The following VPS13D variants were observed in gnomAD, a reference collection of about 807,000 sequenced individuals.
VPS13D encodes the protein vacuolar protein sorting 13 homolog D, also known as intermembrane lipid transfer protein VPS13D.
VPS13D carries 187 observed loss-of-function variants against 461.9 expected under a neutral mutation model. The ratio of observed to expected loss-of-function variants is 0.40; its 90% CI spans 0.36 to 0.46. The LOEUF is 0.46. Ranked by LOEUF, VPS13D falls within the 20% of genes least tolerant of loss-of-function variation. The pLI is 0.60. For synonymous variants in VPS13D, 1,951 were observed against 1,986.3 expected, an observed-to-expected ratio of 0.98 and a Z score of 0.47; for missense variants, 4,711 against 5,364.9, an observed-to-expected ratio of 0.88 and a Z score of 3.81.
In VPS13D at chr1:12,470,867, G is replaced by A. The variant is rs535082254; in HGVS notation, c.12662+10471G>A. On this transcript the variant is annotated intron_variant, in intron 67 of 69. Transcript: ENST00000620676. ...TACAGGCATTTTTTCCCTCATTACC[G>A]GGTCCGTTACAGCTCCTTGAAAACA... Among the ~76,000 whole-genome samples the A allele has an allele frequency of 3.9e-5, 6 of 152,182 alleles. No homozygotes were observed. The East Asian group carries it at 1.2e-3, about 29-fold the overall frequency.
intron 40 of VPS13D, among the ~76,000 whole-genome samples, 169 bp from the exon 41 acceptor site, chr1:12,341,611 A>T (rs1299473065): frequency 6.6e-6 from 1 of 152,228 alleles, no homozygotes; most frequent in African/African-American, 2.4e-5. Context: ...ATTCTCCCAT[A>T]GCAGCCAGCA....
At chr1:12,365,139 A>T (rs1644016274) in intron 52 of VPS13D, among the ~76,000 whole-genome samples, 1 of 152,074 alleles carries the variant, frequency 6.6e-6, no homozygotes, top group African/African-American at 2.4e-5. Flanking sequence ...TGCCAGTACC[A>T]CCCTGTTTTG....
Position 12,373,799 on chromosome 1 carries a change from T to C in VPS13D, c.10858T>C (p.Cys3620Arg), listed in dbSNP as rs775690902. The change falls in exon 55 of 70, where the codon TGT (cysteine) becomes CGT (arginine). Residue 3620 changes from cysteine (C) to arginine (R), a missense_variant. By Grantham distance (180) the Cys-to-Arg change is radical (BLOSUM62 -3). This residue lies in a region of VPS13D where 4,411 missense variants were observed against 4,937.8 expected (regional missense o/e 0.89). Coordinates refer to ENST00000620676, the MANE Select transcript of VPS13D (RefSeq NM_015378.4). The stretch of plus-strand genomic sequence containing the variant: ...TGTGGCTTCCAACAAGGCCATTACC[T>C]GTGCGGAGCTCGTTTTGGATGTCTC... ...RPVASNKAIT[C>R]AELVLDVSPK... 6.2e-7 allele frequency: 1 copy of C among 1,601,072 alleles called. No individual in the cohort carries two copies. The highest frequency in any genetic ancestry group is 1.1e-5 in the South Asian group (1 of 89,832).
chr1:12,308,924 C>T (rs1014777939), intron 27 of VPS13D, among the ~76,000 whole-genome samples: 8 of 152,122 alleles, frequency 5.3e-5, no homozygotes, highest in Admixed American at 1.3e-4. Flanking sequence ...GGATTACAGG[C>T]GTGAGCCACC....
At chr1:12,442,581 C>T (rs1645143946) in intron 65 of VPS13D, among the ~76,000 whole-genome samples, 1 of 148,960 alleles carries the variant, frequency 6.7e-6, no homozygotes. Flanking sequence ...CAAGATTTCC[C>T]TTACTTTTTT....
At chr1:12,320,011 T>G (rs1023221601) in intron 32 of VPS13D, among the ~76,000 whole-genome samples, 1 of 152,220 alleles carries the variant, frequency 6.6e-6, no homozygotes. Context: ...TCTCCTCACC[T>G]GGAGTGCAGC....
chr1:12,392,035 A>G (rs1002686424), intron 60 of VPS13D, among the ~76,000 whole-genome samples: 1 of 151,790 alleles, frequency 6.6e-6, no homozygotes, highest in African/African-American at 2.4e-5. Context: ...TGATTTTTGT[A>G]TTTTTTGTGG....
chr1:12,277,563 C>T lies in VPS13D; in HGVS notation c.3975C>T (p.Val1325=), dbSNP rs756466849. The change falls in exon 19 of 70, where the codon GTC becomes GTT. Residue 1325 remains valine, a synonymous_variant. Coordinates refer to ENST00000620676, the MANE Select transcript of VPS13D (RefSeq NM_015378.4). The stretch of plus-strand genomic sequence containing the variant: ...TGCTGAAAAGCGCAGCCACCAAAGT[C>T]ACCACAGTACTAGCTACCAAGACTG... ...RGMLKSAATK[V]TTVLATKTAE... 5 of 1,613,856 alleles carry T rather than the reference C, an allele frequency of 3.1e-6. No individual in the cohort carries two copies. The highest frequency in any genetic ancestry group is 1.7e-5 in the Admixed American group (1 of 59,994).
chr1:12,272,419 G>C (rs1374627455), intron 17 of VPS13D, among the ~76,000 whole-genome samples: 2 of 151,456 alleles, frequency 1.3e-5, no homozygotes, highest in African/African-American at 4.9e-5. Context: ...GTGTGTGTGT[G>C]TGTGTGTGTG....
Position 12,276,424 on chromosome 1 carries a change from C to A in VPS13D, c.2836C>A (p.Arg946Ser). ...CATTGTGTTGTTGGAGCAGCATACC[C>A]GCGAGGTTCTGGTGGAGTCGCAGCT... ...QSIVLLEQHT[R>S]EVLVESQLLL... Residue 946 changes from arginine to serine, a missense_variant, in exon 19 of 70, where the codon CGC (arginine) becomes AGC (serine). Arg to Ser is a moderately radical substitution (Grantham distance 110). Around this residue, in one of 3 missense-constraint regions of VPS13D, gnomAD observed 4,411 missense variants for 4,937.8 expected, o/e 0.89. Coordinates refer to ENST00000620676, the MANE Select transcript of VPS13D (RefSeq NM_015378.4). This position sits in a 1 kb window ranked among gnomAD's most constrained non-coding sequence, Gnocchi z 4.5. 1 of 1,614,148 alleles carries A rather than the reference C, an allele frequency of 6.2e-7. No individual in the cohort carries two copies.
rs1646158733 is a variant in VPS13D at position 12,509,714 on chromosome 1, C to CT, written c.*692dup. ...TCTCACCCCCATTTTACAAAGAGTG[C>CT]TTAGATTCTTACAAATTATGATGTA... On this transcript the variant is annotated 3_prime_UTR_variant, in exon 70 of 70. Transcript: ENST00000620676. 6.6e-6 allele frequency: 1 copy of CT among 152,340 alleles called. No homozygotes were observed. The highest frequency in any genetic ancestry group is 6.5e-5 in the Admixed American group (1 of 15,304). The allele number at this position is 152,340 out of a possible 1,614,324, so 9.4% of individuals were successfully genotyped here.
intron 18 of VPS13D, among the ~76,000 whole-genome samples, chr1:12,275,404 G>A (rs1641580384): frequency 6.6e-6 from 1 of 152,110 alleles, no homozygotes; most frequent in South Asian, 2.1e-4. Context: ...GACAGAGTGA[G>A]ACTTCACCTG....
intron 25 of VPS13D, among the ~76,000 whole-genome samples, chr1:12,301,319 C>T (rs1037757272): frequency 6.6e-6 from 1 of 152,192 alleles, no homozygotes; most frequent in East Asian, 1.9e-4. Flanking sequence ...AGACACCAGT[C>T]ACAAGTACAG....
chr1:12,258,982 C>A (rs1641012153), intron 10 of VPS13D, among the ~76,000 whole-genome samples: 1 of 152,030 alleles, frequency 6.6e-6, no homozygotes. Context: ...GACACAGGAA[C>A]CTTATGAGAA....
In VPS13D at chr1:12,284,844, C is replaced by T. The variant is rs1641914048; in HGVS notation, c.5634+1108C>T. On this transcript the variant is annotated intron_variant, in intron 21 of 69. Coordinates refer to ENST00000620676, the MANE Select transcript of VPS13D (RefSeq NM_015378.4). ...AAAGGACCAGCTTACCTTTCTTGTT[C>T]AGTGTCTGGTGAATGAATGACTTTG... Among the ~76,000 whole-genome samples, 2 of 152,320 alleles carry T rather than the reference C, an allele frequency of 1.3e-5. 1 individual carries two copies. Among genetic ancestry groups the T allele is most frequent in the South Asian group, 4.1e-4 (2 of 4,820 alleles).
At chr1:12,506,465 A>G (rs972857740) in intron 68 of VPS13D, among the ~76,000 whole-genome samples, 1 of 152,144 alleles carries the variant, frequency 6.6e-6, no homozygotes, top group African/African-American at 2.4e-5. Flanking sequence ...ATGGCGTGCC[A>G]TTTGGTGAAC....
Position 12,507,251 on chromosome 1 carries a change from G to C in VPS13D, c.13035+158G>C. The stretch of plus-strand genomic sequence containing the variant: ...CAGTCCTGAACATGGGAGGGGCCCA[G>C]GGTATGTTCACGGGGCGATGCTGCC... On this transcript the variant is annotated intron_variant, in intron 69 of 69. Transcript: ENST00000620676. The surrounding 1 kb of genome is among the most constrained non-coding windows in gnomAD (Gnocchi z 5.3). The C allele has an allele frequency of 2.9e-6, 4 of 1,357,596 alleles. No individual in the cohort carries two copies. Among genetic ancestry groups the C allele is most frequent in the Non-Finnish European group, 4.2e-6 (4 of 959,984 alleles). 84.1% of individuals were successfully genotyped at this position (1,357,596 alleles called of 1,614,324 possible). A position where few individuals can be genotyped will look rare whatever the true frequency, so the allele number is the denominator to read the frequency against.
intron 54 of VPS13D, among the ~76,000 whole-genome samples, chr1:12,371,259 T>G (rs1644112065): frequency 6.6e-6 from 1 of 152,176 alleles, no homozygotes; most frequent in Admixed American, 6.5e-5. Flanking sequence ...GCTTTTGGTC[T>G]CTATGGGTTG....
chr1:12,346,551 C>T (rs951624138), intron 43 of VPS13D, 54 bp from the exon 44 acceptor site: 20 of 1,568,794 alleles, frequency 1.3e-5, no homozygotes, highest in African/African-American at 4.1e-5. Context: ...TTGAATTTAA[C>T]GTTGCTAATT....
Sources: gnomAD v4.1 joint callset for allele counts (sites outside exome capture counted in the v4.1 genomes callset) on GRCh38, gnomAD v4.1.1 for gene constraint, gnomAD v4.1.1 regional missense constraint, Gnocchi (gnomAD v3.1) non-coding constraint, MANE v1.5 for transcripts, NCBI Gene and HGNC (gene_info 2026-07-23, HGNC 2026-07-21) for gene names.